STXBP5L: variants seen among roughly 807,000 people sequenced by gnomAD.
STXBP5L encodes syntaxin-binding protein 5-like.
In STXBP5L, 65 loss-of-function variants were observed where a neutral mutation model predicts 144.5. The observed-to-expected ratio is 0.45, with a 90% CI of 0.37 to 0.55. The LOEUF is 0.55. STXBP5L is among the 20% of genes least tolerant of loss of function. STXBP5L has a pLI of 0.00. For synonymous variants in STXBP5L, 505 were observed against 469.6 expected, an observed-to-expected ratio of 1.08 and a Z score of -0.97; for missense variants, 1,298 against 1,405.5, an observed-to-expected ratio of 0.92 and a Z score of 1.22.
At chr3:121,313,261 G>C (rs2043618284) in intron 19 of STXBP5L, among the ~76,000 whole-genome samples, 2 of 142,160 alleles carry the variant, frequency 1.4e-5, no homozygotes, top group African/African-American at 5.3e-5. Flanking sequence ...TGGCCGGGCA[G>C]AGGGGCTCCT....
intron 3 of STXBP5L, among the ~76,000 whole-genome samples, chr3:120,975,458 T>C (rs1359740844): frequency 1.3e-5 from 2 of 152,148 alleles, no homozygotes. Context: ...GACAATGGGG[T>C]TTTCTAGATA....
intron 16 of STXBP5L, 77 bp downstream of exon 16, chr3:121,255,189 G>A: frequency 8.8e-7 from 1 of 1,138,948 alleles, no homozygotes; most frequent in Non-Finnish European, 1.2e-6. Context: ...ACTACTACTT[G>A]GTATGGTTTC....
chr3:121,360,133 A>T (rs2108636503), intron 20 of STXBP5L, among the ~76,000 whole-genome samples: 1 of 145,670 alleles, frequency 6.9e-6, no homozygotes, highest in East Asian at 2.0e-4. Flanking sequence ...TGCTGAATTG[A>T]CCCCTTCATT....
intron 10 of STXBP5L, among the ~76,000 whole-genome samples, chr3:121,219,508 A>G (rs959622862): frequency 6.6e-6 from 1 of 152,146 alleles, no homozygotes; most frequent in Non-Finnish European, 1.5e-5. Flanking sequence ...ATAAACAGCT[A>G]TGTATATGGG....
chr3:121,302,858 T>G (rs1014432487), intron 19 of STXBP5L, among the ~76,000 whole-genome samples: 10 of 152,284 alleles, frequency 6.6e-5, no homozygotes, highest in African/African-American at 2.4e-4. Context: ...ATCCCTTCCT[T>G]ACACCTTATA....
At chr3:121,134,243 T>C (rs3856577) in intron 7 of STXBP5L, among the ~76,000 whole-genome samples, 1 of 151,918 alleles carries the variant, frequency 6.6e-6, no homozygotes, top group Non-Finnish European at 1.5e-5. Flanking sequence ...TGTGCTAATA[T>C]TCTAGCTCAG....
chr3:121,130,131 C>T (rs1321510946), intron 7 of STXBP5L, among the ~76,000 whole-genome samples: 2 of 152,092 alleles, frequency 1.3e-5, no homozygotes, highest in South Asian at 2.1e-4. Flanking sequence ...GTCAAAGATG[C>T]TTTGCAAGCT....
chr3:120,984,167 C>G (rs1032561903), intron 3 of STXBP5L, among the ~76,000 whole-genome samples: 2 of 152,176 alleles, frequency 1.3e-5, no homozygotes, highest in Admixed American at 6.5e-5. Context: ...AGATTCACCT[C>G]CAGTTCTCCT....
intron 19 of STXBP5L, among the ~76,000 whole-genome samples, chr3:121,308,977 T>A (rs1277870460): frequency 1.3e-5 from 2 of 152,072 alleles, no homozygotes; most frequent in African/African-American, 4.8e-5. Flanking sequence ...ATGTATACGG[T>A]AAGTTTTACC....
chr3:121,034,504 A>G (rs930435446), intron 3 of STXBP5L, among the ~76,000 whole-genome samples: 6 of 151,988 alleles, frequency 3.9e-5, no homozygotes, highest in African/African-American at 1.2e-4. Context: ...ATATCTCTCT[A>G]TATAGCTGTA....
chr3:121,085,183 G>T (rs1453965380), intron 5 of STXBP5L, among the ~76,000 whole-genome samples: 1 of 152,162 alleles, frequency 6.6e-6, no homozygotes, highest in Non-Finnish European at 1.5e-5. Flanking sequence ...TCATGCTGAT[G>T]ATAGTTTCTT....
chr3:121,115,157 A>G lies in STXBP5L; in HGVS notation c.605+98A>G. The stretch of plus-strand genomic sequence containing the variant: ...ACAGTTATTTGATACGTCTATTACT[A>G]ATTTATAATGAATTTGAGTGAAAAG... On this transcript the variant is annotated intron_variant, in intron 6 of 26. Transcript: ENST00000471454. 2.6e-6 allele frequency: 3 copies of G among 1,175,714 alleles called. No homozygotes were observed. In the South Asian group the frequency reaches 5.0e-5, roughly 20 times the overall value. The allele number at this position is 1,175,714 out of a possible 1,614,324, so 72.8% of individuals were successfully genotyped here. A position where few individuals can be genotyped will look rare whatever the true frequency, so the allele number is the denominator to read the frequency against.
intron 26 of STXBP5L, 123 bp downstream of exon 26, chr3:121,418,680 T>C: frequency 1.1e-6 from 1 of 951,718 alleles, no homozygotes; most frequent in Non-Finnish European, 1.6e-6. Flanking sequence ...CATGGTAACC[T>C]AGATCTCTTC....
intron 3 of STXBP5L, among the ~76,000 whole-genome samples, chr3:120,958,492 C>G (rs1300185621): frequency 7.0e-6 from 1 of 143,004 alleles, no homozygotes; most frequent in Non-Finnish European, 1.5e-5. Flanking sequence ...TGATGAAGAT[C>G]AATGCAAAAA....
At chr3:120,932,835 G>T (rs1391964582) in intron 2 of STXBP5L, among the ~76,000 whole-genome samples, 1 of 151,946 alleles carries the variant, frequency 6.6e-6, no homozygotes, top group African/African-American at 2.4e-5. Flanking sequence ...AAGAAAATGT[G>T]GCACATATAC....
rs143598095 is a variant in STXBP5L at position 121,028,073 on chromosome 3, C to T, written c.288-13627C>T. 4.3e-3 allele frequency among the ~76,000 whole-genome samples: 654 copies of T among 152,102 alleles called. 5 individuals are homozygous for T. Among genetic ancestry groups the T allele is most frequent in the African/African-American group, 0.015 (621 of 41,510 alleles). On this transcript the variant is annotated intron_variant, in intron 3 of 26. Transcript: ENST00000471454. The stretch of plus-strand genomic sequence containing the variant: ...GTTAAATTTCTTCAGAAATCACATA[C>T]GCAATATACATTTGTTAAATAAATT...
At chr3:121,225,031 T>C (rs1034173811) in intron 11 of STXBP5L, among the ~76,000 whole-genome samples, 1 of 152,148 alleles carries the variant, frequency 6.6e-6, no homozygotes, top group Non-Finnish European at 1.5e-5. Context: ...TTTCAAGCCA[T>C]ATATAAAAAT....
chr3:121,145,151 A>G (rs916049394), intron 7 of STXBP5L, among the ~76,000 whole-genome samples: 2 of 151,858 alleles, frequency 1.3e-5, no homozygotes, highest in Non-Finnish European at 1.5e-5. Flanking sequence ...TTAATAGGGT[A>G]GATCTCATGT....
At chr3:120,982,921 G>A (rs1326785444) in intron 3 of STXBP5L, among the ~76,000 whole-genome samples, 1 of 152,210 alleles carries the variant, frequency 6.6e-6, no homozygotes, top group Admixed American at 6.5e-5. Flanking sequence ...TTCAGGTGCT[G>A]CCTGTGATAG....
Sources: gnomAD v4.1 joint callset for allele counts (sites outside exome capture counted in the v4.1 genomes callset) on GRCh38, gnomAD v4.1.1 for gene constraint, MANE v1.5 for transcripts, NCBI Gene and HGNC (gene_info 2026-07-23, HGNC 2026-07-21) for gene names.